RNF14: variants seen among roughly 807,000 people sequenced by gnomAD.
RNF14 encodes ring finger protein 14, also known as E3 ubiquitin-protein ligase RNF14.
RNF14 carries 26 observed loss-of-function variants against 52.6 expected under a neutral mutation model. That is an observed-to-expected ratio of 0.49 (90% CI 0.36 to 0.69). RNF14 has a LOEUF of 0.69. Among genes scored for constraint, RNF14 ranks in the 30% least tolerant of loss-of-function variants. The pLI is 0.00. For missense variants in RNF14, 404 were observed against 560.4 expected (o/e 0.72, Z 2.82); for synonymous variants, 194 against 202.0 (o/e 0.96, Z 0.34).
upstream of RNF14, chr5:141,957,718 A>G (rs1277011412): frequency 1.2e-6 from 2 of 1,613,914 alleles, no homozygotes; most frequent in African/African-American, 2.7e-5. This position sits in a 1 kb window ranked among gnomAD's most constrained non-coding sequence, Gnocchi z 4.3. Context: ...CTTCCCGATC[A>G]CTGTACCAGA....
At chr5:141,972,400 T>C (rs902558506) in intron 2 of RNF14, among the ~76,000 whole-genome samples, 8 of 151,936 alleles carry the variant, frequency 5.3e-5, no homozygotes, top group African/African-American at 1.9e-4. Context: ...TGGCTAGATA[T>C]TTTCAGTTGT....
chr5:141,964,636 C>CA (rs1226746939), upstream of RNF14, among the ~76,000 whole-genome samples: 2 of 152,054 alleles, frequency 1.3e-5, no homozygotes, highest in Non-Finnish European at 2.9e-5. Flanking sequence ...TTTTTTGAGA[C>CA]AGAGTCTCAT....
chr5:141,966,357 A>C (rs1371209851), upstream of RNF14, among the ~76,000 whole-genome samples: 1 of 152,198 alleles, frequency 6.6e-6, no homozygotes, highest in Non-Finnish European at 1.5e-5. Flanking sequence ...CTTTTATTAC[A>C]TCTTTTTATA....
At chr5:141,963,864 T>G (rs957123111), upstream of RNF14, among the ~76,000 whole-genome samples, 1 of 152,296 alleles carries the variant, frequency 6.6e-6, no homozygotes, top group South Asian at 2.1e-4. Flanking sequence ...GGGCTTCCCT[T>G]TATAAGTTTA....
upstream of RNF14, chr5:141,956,359 C>T (rs374457419): frequency 6.9e-5 from 111 of 1,614,046 alleles, no homozygotes; most frequent in Non-Finnish European, 8.9e-5. Context: ...GTCCTGGATG[C>T]GGTATGAGAC....
At chr5:141,984,979 C>T (rs1755110518) in intron 8 of RNF14, 46 bp downstream of exon 8, 4 of 1,554,702 alleles carry the variant, frequency 2.6e-6, no homozygotes, top group South Asian at 2.3e-5. Flanking sequence ...ATTTTTGGTA[C>T]TTGATTTGCA....
chr5:141,951,937 T>G, the RNF14 span, among the ~76,000 whole-genome samples: 1 of 152,264 alleles, frequency 6.6e-6, no homozygotes, highest in African/African-American at 2.4e-5. Context: ...GTTACTTTGA[T>G]GAAGATTATC....
At position 141,989,853 on chromosome 5, in the gene RNF14, GT is replaced by G. The variant is rs1205182243; in HGVS notation, c.*2065del. ...GAAAGAGCTACTCAGAAGCTCTATA[GT>G]TCGTGAGCTACTTGATATTTTCTAG... is the stretch of plus-strand genomic sequence containing the variant. On this transcript the variant is annotated 3_prime_UTR_variant, in exon 9 of 9. Transcript: ENST00000394520. The G allele has an allele frequency of 3.3e-5, 5 of 152,156 alleles. No homozygotes were observed. Among genetic ancestry groups the G allele is most frequent in the Non-Finnish European group, 7.4e-5 (5 of 68,022 alleles). 9.4% of individuals were successfully genotyped at this position (152,156 alleles called of 1,614,324 possible).
the RNF14 span, among the ~76,000 whole-genome samples, chr5:141,949,737 G>A: frequency 3.7e-4 from 56 of 152,082 alleles, no homozygotes; most frequent in African/African-American, 8.7e-4. Context: ...TGTGATTCCC[G>A]CCCTCCTCTT....
At chr5:141,971,717 C>CTGCAACCTCTGCCTCCTGGATTCTAG in intron 2 of RNF14, among the ~76,000 whole-genome samples, 1 of 146,652 alleles carries the variant, frequency 6.8e-6, no homozygotes, top group East Asian at 2.0e-4. Flanking sequence ...TCTCAGCTCA[C>CTGCAACCTCTGCCTCCTGGATTCTAG]TGCAACCTCT....
upstream of RNF14, chr5:141,955,188 C>A: frequency 6.2e-7 from 1 of 1,614,228 alleles, no homozygotes. This position sits in a 1 kb window ranked among gnomAD's most constrained non-coding sequence, Gnocchi z 5.5. Flanking sequence ...CAGCCAGCCT[C>A]CCTGTGGGGC....
At chr5:141,971,250 T>C (rs368472338) in intron 2 of RNF14, among the ~76,000 whole-genome samples, 3 of 152,240 alleles carry the variant, frequency 2.0e-5, no homozygotes, top group Non-Finnish European at 4.4e-5. Flanking sequence ...TGATTCATAC[T>C]TTATTTTTTG....
rs767660424 is a variant in RNF14, at chr5:141,973,580, C to G, written c.-6-3C>G. The G allele has an allele frequency of 1.2e-6, 2 of 1,604,732 alleles. No homozygotes were observed. Among genetic ancestry groups the G allele is most frequent in the Non-Finnish European group, 1.7e-6 (2 of 1,177,138 alleles). On this transcript the variant is annotated splice_polypyrimidine_tract_variant and splice_region_variant and intron_variant, in intron 2 of 8. Coordinates refer to ENST00000394520, the MANE Select transcript of RNF14 (RefSeq NM_004290.5). Reference sequence around the variant, plus strand: ...TGTTCTTAACTGATTTTAATGTTTTCAGGTCCTTATGTCGTCAGAAGATCG... The same window carrying G: ...TGTTCTTAACTGATTTTAATGTTTTGAGGTCCTTATGTCGTCAGAAGATCG...
At chr5:141,954,236 T>G (rs1409042995), upstream of RNF14, among the ~76,000 whole-genome samples, 2 of 152,176 alleles carry the variant, frequency 1.3e-5, no homozygotes, top group East Asian at 3.8e-4. Context: ...TAATTTCCAC[T>G]GCCCCATCCG....
At chr5:141,987,184 G>A (rs182298210) in intron 8 of RNF14, among the ~76,000 whole-genome samples, 1 of 152,180 alleles carries the variant, frequency 6.6e-6, no homozygotes, top group Non-Finnish European at 1.5e-5. Flanking sequence ...AGTGAGGGAG[G>A]GGGGTATGAC....
chr5:141,962,230 G>A (rs951866329), upstream of RNF14, among the ~76,000 whole-genome samples: 1 of 152,156 alleles, frequency 6.6e-6, no homozygotes, highest in Non-Finnish European at 1.5e-5. Context: ...CCTGTTTCTG[G>A]GGTCAGTGCA....
chr5:141,963,379 C>CTTT (rs1199358722), upstream of RNF14, among the ~76,000 whole-genome samples: 1 of 136,474 alleles, frequency 7.3e-6, no homozygotes, highest in Non-Finnish European at 1.6e-5. Context: ...ACACAAGTTC[C>CTTT]TTTTTTTTTT....
chr5:141,984,895 CA>C lies in RNF14; in HGVS notation c.1332del (p.Lys444AsnfsTer29). The C allele has an allele frequency of 6.2e-7, 1 of 1,613,928 alleles. No homozygotes were observed. Among genetic ancestry groups the C allele is most frequent in the East Asian group, 2.2e-5 (1 of 44,854 alleles). The part of the protein sequence containing the change: ...MGSLSRANPY[K>X]HFNDPGSPCF... The stretch of plus-strand genomic sequence containing the variant: ...GTTCTCTCTCTAGAGCAAACCCTTA[CA>C]AACATTTCAATGACCCTGGTTCACC... On this transcript the variant is annotated frameshift_variant, in exon 8 of 9. Transcript: ENST00000394520. LOFTEE classifies it high-confidence loss of function.
the RNF14 span, among the ~76,000 whole-genome samples, chr5:141,950,577 C>T: frequency 1.1e-4 from 17 of 152,096 alleles, 1 homozygote; most frequent in Admixed American, 4.6e-4. Context: ...GCAGGTTGCC[C>T]AAGGTCCCCA....
Sources: allele counts gnomAD v4.1 joint callset (sites outside exome capture counted in the v4.1 genomes callset), GRCh38; gene constraint gnomAD v4.1.1; non-coding constraint Gnocchi (gnomAD v3.1); transcripts MANE v1.5; gene names NCBI Gene and HGNC (gene_info 2026-07-23, HGNC 2026-07-21).